NTRK2: variants seen among roughly 807,000 people sequenced by gnomAD.
NTRK2 encodes BDNF/NT-3 growth factors receptor.
A neutral mutation model predicts 94.5 loss-of-function variants in NTRK2; 13 were observed. The observed-to-expected ratio is 0.14, with a 90% confidence interval of 0.09 to 0.22. The LOEUF (loss-of-function observed/expected upper bound fraction) is 0.22. NTRK2 is among the 10% of genes least tolerant of loss of function. The pLI, the probability that NTRK2 is intolerant of heterozygous loss-of-function variation, is 1.00. For synonymous variants in NTRK2, 372 were observed against 407.4 expected, an observed-to-expected ratio of 0.91 and a Z score of 1.05; for missense variants, 639 against 1,071.2, an observed-to-expected ratio of 0.60 and a Z score of 5.63.
chr9:84,681,483 T>C (rs1409008104), intron 2 of NTRK2, among the ~76,000 whole-genome samples: 4 of 152,210 alleles, frequency 2.6e-5, no homozygotes, highest in African/African-American at 7.2e-5. Context: ...GTCTTCTCTA[T>C]GTTGGGAACT....
At chr9:84,996,169 T>G (rs1439549705) in intron 17 of NTRK2, among the ~76,000 whole-genome samples, 1 of 152,214 alleles carries the variant, frequency 6.6e-6, no homozygotes, top group Non-Finnish European at 1.5e-5. Context: ...TGAATAGATT[T>G]AGCATGAAAT....
In NTRK2 at chr9:84,670,677, C is replaced by T; in HGVS notation, c.-72C>T. ...AGAGCCGCAAGCGCAGGGAAGGCCTCCCCGCACGGGTGGGGGAAAGCGGCC... is the reference window on the plus strand; with the variant it reads ...AGAGCCGCAAGCGCAGGGAAGGCCTTCCCGCACGGGTGGGGGAAAGCGGCC... On this transcript the variant is annotated 5_prime_UTR_variant, in exon 2 of 19. Transcript: ENST00000277120. The T allele has an allele frequency of 6.6e-7, 1 of 1,518,918 alleles. No homozygotes were observed. The highest frequency in any genetic ancestry group is 9.1e-7 in the Non-Finnish European group (1 of 1,103,606). The allele number at this position is 1,518,918 out of a possible 1,614,324, so 94.1% of individuals were successfully genotyped here.
At chr9:84,831,298 T>C (rs978021330) in intron 12 of NTRK2, among the ~76,000 whole-genome samples, 1 of 152,212 alleles carries the variant, frequency 6.6e-6, no homozygotes, top group Non-Finnish European at 1.5e-5. Flanking sequence ...CAGAAGAGTA[T>C]ACAAATGCCC....
At chr9:84,802,677 G>T (rs77275121) in intron 12 of NTRK2, among the ~76,000 whole-genome samples, 1 of 152,214 alleles carries the variant, frequency 6.6e-6, no homozygotes, top group Non-Finnish European at 1.5e-5. Context: ...ATATAAGGCT[G>T]TGACCCTGGG....
chr9:84,949,524 G>T (rs1007890448), intron 16 of NTRK2, among the ~76,000 whole-genome samples: 5 of 152,102 alleles, frequency 3.3e-5, no homozygotes, highest in Non-Finnish European at 7.4e-5. Context: ...CTGGAGTGCA[G>T]TTATGTGGTC....
In NTRK2 at chr9:84,702,136, A is replaced by C. The variant is rs763869510; in HGVS notation, c.213-23A>C. ...GCTGCCTACATTCTGAGTCACTGCGATTCACTCTCTGCTTTGTTACAGTTT... is the reference window on the plus strand; with the variant it reads ...GCTGCCTACATTCTGAGTCACTGCGCTTCACTCTCTGCTTTGTTACAGTTT... On this transcript the variant is annotated intron_variant, in intron 2 of 18. Coordinates refer to ENST00000277120, the MANE Select transcript of NTRK2 (RefSeq NM_006180.6). 6 of 1,610,484 alleles carry C rather than the reference A, an allele frequency of 3.7e-6. No homozygotes were observed. In the African/African-American group the frequency reaches 6.7e-5, roughly 18 times the overall value.
chr9:85,004,133 A>AGGGAGGAAGGGAGTGAGGAAGGAAGGAC (rs1830697844), intron 17 of NTRK2, among the ~76,000 whole-genome samples: 1 of 150,720 alleles, frequency 6.6e-6, no homozygotes, highest in African/African-American at 2.4e-5. Flanking sequence ...GAAGGAAGGA[A>AGGGAGGAAGGGAGTGAGGAAGGAAGGAC]GGAAGGGAGG....
At chr9:84,806,478 C>T (rs1176856620) in intron 12 of NTRK2, among the ~76,000 whole-genome samples, 1 of 152,082 alleles carries the variant, frequency 6.6e-6, no homozygotes, top group African/African-American at 2.4e-5. Flanking sequence ...AAGAAAGGAC[C>T]AGGACCAAGA....
chr9:84,742,627 C>T (rs910095224), intron 10 of NTRK2, among the ~76,000 whole-genome samples: 1 of 152,008 alleles, frequency 6.6e-6, no homozygotes, highest in African/African-American at 2.4e-5. Flanking sequence ...TCCATTCTTG[C>T]CCTTATTACT....
At chr9:84,902,186 A>C (rs1190078566) in intron 14 of NTRK2, among the ~76,000 whole-genome samples, 1 of 150,756 alleles carries the variant, frequency 6.6e-6, no homozygotes, top group Non-Finnish European at 1.5e-5. Flanking sequence ...ACAGAATGAG[A>C]TTCTGTCTAA....
chr9:85,017,419 AT>A (rs1386646106), intron 17 of NTRK2, among the ~76,000 whole-genome samples: 1 of 152,176 alleles, frequency 6.6e-6, no homozygotes, highest in Non-Finnish European at 1.5e-5. Context: ...GAAACCAGCT[AT>A]TGTCATCCAC....
chr9:84,990,158 CTCTCAAA>C (rs1250078144), intron 17 of NTRK2, among the ~76,000 whole-genome samples: 1 of 77,160 alleles, frequency 1.3e-5, no homozygotes, highest in Non-Finnish European at 3.2e-5. Flanking sequence ...CTCCAATAGT[CTCTCAAA>C]GGCCAGGCGG....
intron 17 of NTRK2, among the ~76,000 whole-genome samples, chr9:84,984,806 C>T (rs1828098530): frequency 1.3e-5 from 2 of 152,206 alleles, no homozygotes; most frequent in Non-Finnish European, 2.9e-5. Flanking sequence ...CGCTAATGTA[C>T]TGTGTTGCCA....
chr9:84,862,994 T>G (rs2075403276), intron 13 of NTRK2, among the ~76,000 whole-genome samples: 1 of 152,120 alleles, frequency 6.6e-6, no homozygotes, highest in Non-Finnish European at 1.5e-5. Context: ...TTGGTTGGTT[T>G]GCATTTGAAA....
chr9:84,766,054 G>A (rs578234198), intron 12 of NTRK2, among the ~76,000 whole-genome samples: 1 of 152,284 alleles, frequency 6.6e-6, no homozygotes, highest in East Asian at 1.9e-4. Flanking sequence ...AAGTTTATGG[G>A]AGGGGAGAGA....
chr9:84,972,701 A>G (rs1030914697), intron 17 of NTRK2, among the ~76,000 whole-genome samples: 2 of 152,326 alleles, frequency 1.3e-5, no homozygotes, highest in East Asian at 3.9e-4. Context: ...CTAGTAATAC[A>G]TGCATTTTTA....
intron 12 of NTRK2, among the ~76,000 whole-genome samples, chr9:84,826,064 A>G (rs2073167446): frequency 6.6e-6 from 1 of 152,184 alleles, no homozygotes; most frequent in African/African-American, 2.4e-5. Context: ...CCCACCCGCC[A>G]TGGACAGCAG....
intron 2 of NTRK2, among the ~76,000 whole-genome samples, chr9:84,688,349 T>C (rs1446689086): frequency 6.6e-6 from 1 of 152,184 alleles, no homozygotes; most frequent in Admixed American, 6.5e-5. Flanking sequence ...GCTATGACGA[T>C]GATGCTCTGG....
At chr9:84,964,667 G>T (rs1825348141) in intron 17 of NTRK2, among the ~76,000 whole-genome samples, 1 of 152,094 alleles carries the variant, frequency 6.6e-6, no homozygotes, top group Non-Finnish European at 1.5e-5. Context: ...GGACTCTTGG[G>T]CTCCCCACTC....
Sources: gnomAD v4.1 joint callset for allele counts (sites outside exome capture counted in the v4.1 genomes callset) on GRCh38, gnomAD v4.1.1 for gene constraint, MANE v1.5 for transcripts, NCBI Gene and HGNC (gene_info 2026-07-23, HGNC 2026-07-21) for gene names.